The following NRCAM variants were observed in gnomAD, a reference collection of about 807,000 sequenced individuals.
NRCAM encodes neuronal cell adhesion molecule.
Under a neutral mutation model 156.5 loss-of-function variants are expected in NRCAM, and 83 were observed. The observed-to-expected ratio is 0.53, with a 90% CI of 0.44 to 0.64. The LOEUF (loss-of-function observed/expected upper bound fraction) is 0.64, where lower values mean the gene tolerates loss of function less well. Ranked by LOEUF, NRCAM falls within the 30% of genes least tolerant of loss-of-function variation. NRCAM has a pLI of 0.00. For missense variants in NRCAM, 1,417 were observed against 1,597.3 expected (o/e 0.89, Z 1.92); for synonymous variants, 538 against 563.9 (o/e 0.95, Z 0.65).
chr7:108,410,812 A>AT (rs1794428106), intron 1 of NRCAM, among the ~76,000 whole-genome samples: 2 of 126,904 alleles, frequency 1.6e-5, no homozygotes, highest in South Asian at 2.1e-4. Context: ...CTTGAAACTG[A>AT]TTTTTTCTAT....
At chr7:108,229,359 C>T (rs1050251954) in intron 8 of NRCAM, among the ~76,000 whole-genome samples, 1 of 152,198 alleles carries the variant, frequency 6.6e-6, no homozygotes, top group African/African-American at 2.4e-5. Flanking sequence ...AACTCCTGAG[C>T]TGAAGCAATC....
intron 2 of NRCAM, among the ~76,000 whole-genome samples, chr7:108,351,577 T>C (rs1265252872): frequency 1.3e-5 from 2 of 152,208 alleles, no homozygotes; most frequent in Non-Finnish European, 1.5e-5. Context: ...GGCTTTGGGA[T>C]TGGAGAACCT....
chr7:108,382,682 A>AGCCTC (rs2099707011), intron 2 of NRCAM, among the ~76,000 whole-genome samples: 1 of 152,144 alleles, frequency 6.6e-6, no homozygotes, highest in Non-Finnish European at 1.5e-5. Context: ...CCTGGCATCT[A>AGCCTC]AGTACTAGCA....
At chr7:108,167,210 T>C in intron 29 of NRCAM, 137 bp from the exon 30 acceptor site, 1 of 632,568 alleles carries the variant, frequency 1.6e-6, no homozygotes, top group South Asian at 2.2e-5. Context: ...TAGATTATTA[T>C]AAATGTAGTC....
intron 2 of NRCAM, among the ~76,000 whole-genome samples, chr7:108,373,294 C>G (rs1213657109): frequency 6.6e-6 from 1 of 152,122 alleles, no homozygotes; most frequent in African/African-American, 2.4e-5. Context: ...TCCCTAAATT[C>G]AACAGTACTG....
intron 1 of NRCAM, among the ~76,000 whole-genome samples, chr7:108,413,333 G>A (rs1230279164): frequency 6.6e-6 from 1 of 152,112 alleles, no homozygotes; most frequent in Admixed American, 6.5e-5. Context: ...GTCTTCTTCT[G>A]AAAAATGTCT....
At chr7:108,208,292 G>A (rs1039899091) in intron 12 of NRCAM, among the ~76,000 whole-genome samples, 1 of 151,930 alleles carries the variant, frequency 6.6e-6, no homozygotes, top group Non-Finnish European at 1.5e-5. Flanking sequence ...GCAACAGAGC[G>A]AGACTCCAAC....
At chr7:108,397,121 G>A (rs1270346749) in intron 2 of NRCAM, among the ~76,000 whole-genome samples, 1 of 152,146 alleles carries the variant, frequency 6.6e-6, no homozygotes, top group African/African-American at 2.4e-5. Flanking sequence ...AAAAAAAGAT[G>A]AGGTGGAAAC....
chr7:108,411,356 A>G (rs990574911), intron 1 of NRCAM, among the ~76,000 whole-genome samples: 34 of 152,292 alleles, frequency 2.2e-4, no homozygotes, highest in Admixed American at 3.9e-4. Context: ...CTAACAGGAT[A>G]AAAAGGAAAA....
Position 108,150,132 on chromosome 7 carries a change from G to T in NRCAM, c.3693C>A (p.His1231Gln), listed in dbSNP as rs759779206. 2.3e-5 allele frequency: 37 copies of T among 1,604,912 alleles called. No individual in the cohort carries two copies. Among genetic ancestry groups the T allele is most frequent in the Non-Finnish European group, 3.0e-5 (35 of 1,177,762 alleles). Reference sequence around the variant, plus strand: ...TTCGACTTCCTTTTTTCAAAGGCTTGTGGTCTTCTGCATCACTGGAAGAAA... The same window carrying T: ...TTCGACTTCCTTTTTTCAAAGGCTTTTGGTCTTCTGCATCACTGGAAGAAA... ...TFGEYSDAED[H>Q]KPLKKGSRTP... The change falls in exon 33 of 33, where the codon CAC becomes CAA. Residue 1231 changes from histidine (H) to glutamine (Q), a missense_variant. His to Gln is a conservative substitution (Grantham distance 24). Coordinates refer to ENST00000379028, the MANE Select transcript of NRCAM (RefSeq NM_001037132.4).
chr7:108,398,753 C>T (rs2099783855), intron 2 of NRCAM, among the ~76,000 whole-genome samples: 1 of 152,290 alleles, frequency 6.6e-6, no homozygotes, highest in African/African-American at 2.4e-5. Flanking sequence ...TTCCTTAATG[C>T]ACCCTCAATA....
intron 28 of NRCAM, among the ~76,000 whole-genome samples, chr7:108,170,020 C>A (rs553225957): frequency 4.6e-5 from 7 of 151,994 alleles, no homozygotes; most frequent in Non-Finnish European, 8.8e-5. Flanking sequence ...CTAAACTGTT[C>A]ATTATTATTA....
chr7:108,187,826 G>A (rs192806582), intron 20 of NRCAM, among the ~76,000 whole-genome samples: 229 of 152,120 alleles, frequency 1.5e-3, no homozygotes, highest in African/African-American at 5.2e-3. Context: ...GTGGTGGCGG[G>A]CGCCTGTAGT....
intron 2 of NRCAM, among the ~76,000 whole-genome samples, chr7:108,356,600 G>T (rs543911394): frequency 5.9e-5 from 9 of 152,248 alleles, no homozygotes; most frequent in Non-Finnish European, 1.2e-4. Context: ...GAGAGAAAAA[G>T]ACTGTTTTTT....
chr7:108,426,344 C>A (rs900576140), intron 1 of NRCAM, among the ~76,000 whole-genome samples: 6 of 152,236 alleles, frequency 3.9e-5, no homozygotes, highest in African/African-American at 1.2e-4. Context: ...AGGCACAAGG[C>A]TTAAACAGAG....
At position 108,411,181 on chromosome 7, in the gene NRCAM, T is replaced by C. The variant is rs530986969; in HGVS notation, c.-331-11588A>G. Among the ~76,000 whole-genome samples the C allele has an allele frequency of 5.3e-5, 8 of 152,356 alleles. No individual in the cohort carries two copies. The South Asian group carries it at 1.2e-3, about 24-fold the overall frequency. On this transcript the variant is annotated intron_variant, in intron 1 of 32. Transcript: ENST00000379028. ...AATGTTCTGTGAAATGTTATTAATA[T>C]AGGACTACCTGTGGATTTCTCTCCA...
At chr7:108,279,755 T>C (rs1397871277) in intron 3 of NRCAM, among the ~76,000 whole-genome samples, 1 of 151,388 alleles carries the variant, frequency 6.6e-6, no homozygotes, top group Non-Finnish European at 1.5e-5. Context: ...TTGACAGAAG[T>C]CTCACTGTGT....
chr7:108,160,577 C>A, intron 30 of NRCAM, 85 bp from the exon 31 acceptor site: 1 of 1,229,108 alleles, frequency 8.1e-7, no homozygotes, highest in South Asian at 1.8e-5. Flanking sequence ...AAAATTGCCA[C>A]GTTATGTGAG....
At chr7:108,417,580 T>C (rs1365203559) in intron 1 of NRCAM, among the ~76,000 whole-genome samples, 1 of 152,180 alleles carries the variant, frequency 6.6e-6, no homozygotes, top group Non-Finnish European at 1.5e-5. Context: ...AGAAAACAAA[T>C]AATTTTCTGG....
Sources: gnomAD v4.1 joint callset for allele counts (sites outside exome capture counted in the v4.1 genomes callset) on GRCh38, gnomAD v4.1.1 for gene constraint, MANE v1.5 for transcripts, NCBI Gene and HGNC (gene_info 2026-07-23, HGNC 2026-07-21) for gene names.